Variants in ULK1 observed in about 807,000 individuals in gnomAD.
ULK1 encodes the protein serine/threonine-protein kinase ULK1.
In ULK1, 48 loss-of-function variants were observed where a neutral mutation model predicts 117.5. The ratio of observed to expected loss-of-function variants is 0.41; its 90% CI spans 0.32 to 0.52. ULK1 has a LOEUF of 0.52. Ranked by LOEUF, ULK1 falls within the 20% of genes least tolerant of loss-of-function variation. ULK1 has a pLI of 0.29. For missense variants in ULK1, 1,387 were observed against 1,473.4 expected, an observed-to-expected ratio of 0.94 and a Z score of 0.96; for synonymous variants, 790 against 637.8, an observed-to-expected ratio of 1.24 and a Z score of -3.60.
At position 131,914,346 on chromosome 12, in the gene ULK1, C is replaced by T. The variant is rs765024413; in HGVS notation, c.1248-6C>T. ...CTGTCATGATCCTGACCTCTCTCCA[C>T]CACAGCCGGGCTGGCCCGTTCTCCA... is the stretch of plus-strand genomic sequence containing the variant. On this transcript the variant is annotated splice_region_variant and splice_polypyrimidine_tract_variant and intron_variant, in intron 15 of 27. Coordinates refer to ENST00000321867, the MANE Select transcript of ULK1 (RefSeq NM_003565.4). The T allele has an allele frequency of 9.3e-6, 15 of 1,608,714 alleles. No homozygotes were observed. The East Asian group carries it at 3.1e-4, about 33-fold the overall frequency.
intron 12 of ULK1, 129 bp downstream of exon 12, chr12:131,910,929 G>T: frequency 6.8e-7 from 1 of 1,467,346 alleles, no homozygotes; most frequent in Non-Finnish European, 9.0e-7. Flanking sequence ...ACATGGATGA[G>T]TTCATTCTGT....
chr12:131,908,480 GGCGGCCC>G, intron 5 of ULK1, 157 bp from the exon 6 acceptor site: 1 of 771,056 alleles, frequency 1.3e-6, no homozygotes, highest in South Asian at 2.4e-5. Context: ...CCCTGGTCTC[GGCGGCCC>G]GTGGTGGCTT....
At position 131,922,082 on chromosome 12, in the gene ULK1, A is replaced by C. The variant is rs1890175743; in HGVS notation, c.*721A>C. 2.2e-6 allele frequency: 1 copy of C among 451,540 alleles called. No homozygotes were observed. Among genetic ancestry groups the C allele is most frequent in the Admixed American group, 2.4e-5 (1 of 42,390 alleles). The allele number at this position is 451,540 out of a possible 1,614,324, so 28.0% of individuals were successfully genotyped here. On this transcript the variant is annotated 3_prime_UTR_variant, in exon 28 of 28. Transcript: ENST00000321867. ...TTCAAGCGTTCCTCTGGGGACCGGCAGCAGAGGCACCGTGTTCTCTCAGCC... is the reference window on the plus strand; with the variant it reads ...TTCAAGCGTTCCTCTGGGGACCGGCCGCAGAGGCACCGTGTTCTCTCAGCC...
chr12:131,908,954 G>A lies in ULK1; in HGVS notation c.547G>A (p.Gly183Ser). 1 of 1,612,748 alleles carries A rather than the reference G, an allele frequency of 6.2e-7. No homozygotes were observed. The highest frequency in any genetic ancestry group is 8.5e-7 in the Non-Finnish European group (1 of 1,179,868). ...CAACATGATGGCGGCCACACTCTGC[G>A]GCTCCCCCATGTACATGGTGTGTTT... ...QSNMMAATLCGSPMYMAPEVI... is the reference protein window; with the variant it reads ...QSNMMAATLCSSPMYMAPEVI... The change falls in exon 7 of 28, where the codon GGC becomes AGC. Residue 183 changes from glycine to serine, a missense_variant. Physicochemically the swap from Gly to Ser is moderately conservative, Grantham distance 56. Transcript: ENST00000321867.
At chr12:131,907,141 G>A (rs762970625) in intron 4 of ULK1, among the ~76,000 whole-genome samples, 19 of 152,162 alleles carry the variant, frequency 1.2e-4, no homozygotes, top group Non-Finnish European at 2.1e-4. Flanking sequence ...TCAGCCTCCC[G>A]AGTAGCTGGG....
Position 131,908,693 on chromosome 12 carries a change from C to T in ULK1, c.366C>T (p.Ile122=), listed in dbSNP as rs1055006882. 6.3e-7 allele frequency: 1 copy of T among 1,594,490 alleles called. No individual in the cohort carries two copies. Among genetic ancestry groups the T allele is most frequent in the Non-Finnish European group, 8.5e-7 (1 of 1,173,006 alleles). ...EDTIRLFLQQ[I]AGAMRLLHSK... ...CCATCAGGCTCTTCCTGCAGCAGAT[C>T]GCGGGCGCCATGCGGCTTCTGCACA... Residue 122 remains isoleucine (I), a synonymous_variant, in exon 6 of 28, where the codon ATC becomes ATT. Transcript: ENST00000321867.
intron 26 of ULK1, chr12:131,920,826 G>A (rs1165625826): frequency 4.5e-6 from 2 of 445,014 alleles, no homozygotes; most frequent in Non-Finnish European, 8.0e-6. Flanking sequence ...AGGCCAGGCA[G>A]CAGCAGTAAT....
At chr12:131,916,691 C>A in intron 20 of ULK1, 100 bp downstream of exon 20, 1 of 1,364,834 alleles carries the variant, frequency 7.3e-7, no homozygotes, top group Admixed American at 3.0e-5. Context: ...CAGGAAAAGC[C>A]CAGCCTTGCC....
chr12:131,904,091 C>T (rs1889184614), intron 3 of ULK1, among the ~76,000 whole-genome samples: 1 of 151,992 alleles, frequency 6.6e-6, no homozygotes, highest in South Asian at 2.1e-4. Flanking sequence ...GGAAGAGCCT[C>T]CTTGCCAGGG....
intron 3 of ULK1, among the ~76,000 whole-genome samples, chr12:131,899,655 T>C (rs1889011567): frequency 6.6e-6 from 1 of 152,174 alleles, no homozygotes; most frequent in Non-Finnish European, 1.5e-5. Context: ...CATACTTGGT[T>C]AGGCACATAT....
intron 18 of ULK1, 112 bp from the exon 19 acceptor site, chr12:131,915,779 A>G (rs534538539): frequency 6.9e-7 from 1 of 1,449,586 alleles, no homozygotes; most frequent in Admixed American, 2.2e-5. Flanking sequence ...AACAAAAGAA[A>G]AAGAGTGGGG....
At chr12:131,918,746 C>CGGGTGTGGGGTGTA (rs1889980998) in intron 23 of ULK1, 65 bp downstream of exon 23, 28 of 460,698 alleles carry the variant, frequency 6.1e-5, no homozygotes, top group South Asian at 3.6e-4. Flanking sequence ...TGTGGGGTGT[C>CGGGTGTGGGGTGTA]GGGTGTGTGG....
chr12:131,908,564 C>G, intron 5 of ULK1, 80 bp from the exon 6 acceptor site: 2 of 1,399,486 alleles, frequency 1.4e-6, no homozygotes, highest in Non-Finnish European at 1.9e-6. Context: ...ATCCGTGTGG[C>G]GGGACCGGCC....
chr12:131,895,757 A>G (rs1163278777), intron 2 of ULK1, 26 bp from the exon 3 acceptor site: 1 of 1,613,824 alleles, frequency 6.2e-7, no homozygotes, highest in African/African-American at 1.3e-5. Context: ...CCCCACACTG[A>G]TAACAAACTT....
At chr12:131,910,952 C>A (rs1432284224) in intron 12 of ULK1, 152 bp downstream of exon 12, 5 of 1,428,150 alleles carry the variant, frequency 3.5e-6, no homozygotes, top group Non-Finnish European at 2.8e-6. Context: ...GATGTTGAAG[C>A]CCCACAAACG....
chr12:131,918,730 G>GTC lies in ULK1; in HGVS notation c.2511+49_2511+50insTC. ...TTCCCATTCTGGCTGGAGGGTGTGT[G>GTC]GGGTGTGTGGGGTGTCGGGTGTGTG... On this transcript the variant is annotated intron_variant, in intron 23 of 27. Coordinates refer to ENST00000321867, the MANE Select transcript of ULK1 (RefSeq NM_003565.4). 6 of 1,123,730 alleles carry GTC rather than the reference G, an allele frequency of 5.3e-6. No individual in the cohort carries two copies. In the East Asian group the frequency reaches 1.6e-4, roughly 30 times the overall value. The allele number at this position is 1,123,730 out of a possible 1,614,324, so 69.6% of individuals were successfully genotyped here.
At chr12:131,919,067 G>GCT in intron 23 of ULK1, 145 bp from the exon 24 acceptor site, 6 of 837,860 alleles carry the variant, frequency 7.2e-6, no homozygotes, top group East Asian at 2.7e-5. Flanking sequence ...TGGGGTGTCG[G>GCT]GCGTGGCACA....
At chr12:131,920,218 C>T (rs914302493) in intron 26 of ULK1, 82 bp downstream of exon 26, 19 of 1,520,222 alleles carry the variant, frequency 1.2e-5, no homozygotes, top group African/African-American at 8.2e-5. Context: ...ACCTTGATGC[C>T]CACAGCGTGG....
chr12:131,898,757 A>C (rs1888973361), intron 3 of ULK1, among the ~76,000 whole-genome samples: 1 of 152,114 alleles, frequency 6.6e-6, no homozygotes. Flanking sequence ...TCGGCCTCCC[A>C]AAGTGGTGGG....
Sources: gnomAD v4.1 joint callset for allele counts (sites outside exome capture counted in the v4.1 genomes callset) on GRCh38, gnomAD v4.1.1 for gene constraint, MANE v1.5 for transcripts, NCBI Gene and HGNC (gene_info 2026-07-23, HGNC 2026-07-21) for gene names.